Variants in ADAMTS19 observed in about 807,000 individuals in gnomAD.
ADAMTS19 encodes the protein ADAM metallopeptidase with thrombospondin type 1 motif 19.
In ADAMTS19, 93 loss-of-function variants were observed where a neutral mutation model predicts 153.3. The ratio of observed to expected loss-of-function variants is 0.61; its 90% CI spans 0.51 to 0.72. The LOEUF is 0.72. Among genes scored for constraint, ADAMTS19 ranks in the 30% least tolerant of loss-of-function variants. ADAMTS19 has a pLI of 0.00. For missense variants in ADAMTS19, 1,482 were observed against 1,552.1 expected (o/e 0.95, Z 0.76); for synonymous variants, 600 against 556.6 (o/e 1.08, Z -1.10).
intron 15 of ADAMTS19, among the ~76,000 whole-genome samples, chr5:129,660,285 A>G (rs1753765124): frequency 6.6e-6 from 1 of 152,174 alleles, no homozygotes; most frequent in Non-Finnish European, 1.5e-5. Flanking sequence ...TTTAGAAAAA[A>G]TAAATAAATA....
At chr5:129,637,177 A>G (rs1752567968) in intron 10 of ADAMTS19, among the ~76,000 whole-genome samples, 1 of 152,186 alleles carries the variant, frequency 6.6e-6, no homozygotes, top group Non-Finnish European at 1.5e-5. Context: ...ATGCCCTTTA[A>G]TTATACAGAA....
At chr5:129,708,093 A>G (rs546350905) in intron 21 of ADAMTS19, among the ~76,000 whole-genome samples, 1 of 152,260 alleles carries the variant, frequency 6.6e-6, no homozygotes, top group African/African-American at 2.4e-5. Flanking sequence ...GTTTTGTGTA[A>G]ATAGTGGAAA....
chr5:129,461,356 G>A lies in ADAMTS19; in HGVS notation c.346G>A (p.Glu116Lys). 1 of 1,337,766 alleles carries A rather than the reference G, an allele frequency of 7.5e-7. No homozygotes were observed. The highest frequency in any genetic ancestry group is 3.1e-5 in the East Asian group (1 of 32,426). The allele number at this position is 1,337,766 out of a possible 1,614,324, so 82.9% of individuals were successfully genotyped here. The change falls in exon 2 of 23, where the codon GAG becomes AAG. Residue 116 changes from glutamate to lysine, a missense_variant. Glu to Lys is a moderately conservative substitution (Grantham distance 56). Transcript: ENST00000274487. The surrounding 1 kb of genome is among the most constrained non-coding windows in gnomAD (Gnocchi z 4.6). ...ESRLRPPPPSEGEEDEELESQ... is the reference protein window; with the variant it reads ...ESRLRPPPPSKGEEDEELESQ... ...CCGGCTCCGGCCCCCGCCGCCGTCG[G>A]AGGGTGAGGAGGACGAGGAGCTCGA...
intron 18 of ADAMTS19, among the ~76,000 whole-genome samples, chr5:129,686,293 T>G: frequency 6.6e-6 from 1 of 151,908 alleles, no homozygotes; most frequent in East Asian, 1.9e-4. Context: ...ATCATGGAAT[T>G]TAGGTGCAAT....
At chr5:129,601,464 A>C (rs1750645864) in intron 8 of ADAMTS19, among the ~76,000 whole-genome samples, 1 of 152,132 alleles carries the variant, frequency 6.6e-6, no homozygotes, top group Non-Finnish European at 1.5e-5. Context: ...AAACTTATTA[A>C]TATATTAATT....
chr5:129,587,146 T>C (rs892006606), intron 7 of ADAMTS19, among the ~76,000 whole-genome samples: 19 of 152,166 alleles, frequency 1.2e-4, no homozygotes, highest in Non-Finnish European at 2.5e-4. Flanking sequence ...TTACTGATTA[T>C]CAACTACTAA....
At chr5:129,523,054 CA>C (rs55963617) in intron 3 of ADAMTS19, among the ~76,000 whole-genome samples, 26,143 of 105,042 alleles carry the variant, frequency 0.25, 2,727 homozygotes, top group African/African-American at 0.36. Flanking sequence ...GACTCCATCT[CA>C]AAAAAAAAAA....
chr5:129,649,437 G>C (rs1184792120), intron 13 of ADAMTS19, among the ~76,000 whole-genome samples: 1 of 152,206 alleles, frequency 6.6e-6, no homozygotes, highest in Non-Finnish European at 1.5e-5. Flanking sequence ...ATTATGCTGA[G>C]TGAAAAATGC....
intron 15 of ADAMTS19, 96 bp from the exon 16 acceptor site, chr5:129,665,403 T>TAACCAA: frequency 9.6e-7 from 1 of 1,042,274 alleles, no homozygotes; most frequent in Non-Finnish European, 1.4e-6. Flanking sequence ...ATCATAGCAA[T>TAACCAA]AACCAAAACC....
At chr5:129,503,705 G>A (rs988512495) in intron 2 of ADAMTS19, among the ~76,000 whole-genome samples, 9 of 152,064 alleles carry the variant, frequency 5.9e-5, no homozygotes, top group African/African-American at 1.9e-4. Context: ...GTGGGTGCCT[G>A]TGATCCCAAC....
intron 3 of ADAMTS19, among the ~76,000 whole-genome samples, chr5:129,512,671 CAA>C (rs1751479494): frequency 6.6e-6 from 1 of 151,990 alleles, no homozygotes; most frequent in East Asian, 1.9e-4. Flanking sequence ...AGATTGGGGC[CAA>C]CACAGCTGTC....
chr5:129,728,675 GAT>G (rs1383911324), intron 21 of ADAMTS19, among the ~76,000 whole-genome samples: 2 of 152,076 alleles, frequency 1.3e-5, no homozygotes, highest in African/African-American at 4.8e-5. Flanking sequence ...GCTAAAAGTG[GAT>G]GAAATTGCCT....
chr5:129,705,993 G>A (rs1053055622), intron 21 of ADAMTS19, among the ~76,000 whole-genome samples: 1 of 152,118 alleles, frequency 6.6e-6, no homozygotes, highest in Non-Finnish European at 1.5e-5. Flanking sequence ...GTGGGGAGCA[G>A]GAGGTTTTGG....
chr5:129,548,098 T>A (rs1752929048), intron 6 of ADAMTS19, among the ~76,000 whole-genome samples: 1 of 150,508 alleles, frequency 6.6e-6, no homozygotes, highest in Non-Finnish European at 1.5e-5. Flanking sequence ...GCAATACCAT[T>A]CAGGACATAG....
intron 6 of ADAMTS19, among the ~76,000 whole-genome samples, chr5:129,540,237 G>C (rs1015705589): frequency 1.3e-5 from 2 of 151,940 alleles, no homozygotes; most frequent in East Asian, 1.9e-4. Context: ...TTTAGCTCAG[G>C]GGTCAAGTTT....
chr5:129,593,007 C>A (rs77056732), intron 7 of ADAMTS19, among the ~76,000 whole-genome samples: 3,649 of 152,074 alleles, frequency 0.024, 119 homozygotes, highest in African/African-American at 0.079. Context: ...AAACTATTGG[C>A]TTTATCATCG....
chr5:129,513,246 C>G (rs1751496691), intron 3 of ADAMTS19, among the ~76,000 whole-genome samples: 1 of 151,818 alleles, frequency 6.6e-6, no homozygotes, highest in African/African-American at 2.4e-5. Context: ...CTTTGTTCCT[C>G]TAAGTCTGAT....
intron 13 of ADAMTS19, among the ~76,000 whole-genome samples, chr5:129,652,830 C>T (rs1348144372): frequency 6.6e-6 from 1 of 152,012 alleles, no homozygotes; most frequent in African/African-American, 2.4e-5. Flanking sequence ...TTATATATAC[C>T]ACTTTTAAAG....
intron 3 of ADAMTS19, among the ~76,000 whole-genome samples, chr5:129,510,568 G>C (rs1041054760): frequency 1.3e-5 from 2 of 150,938 alleles, no homozygotes; most frequent in African/African-American, 4.9e-5. Context: ...ACAAGCAAAA[G>C]AAAAGCTTCT....
Sources: gnomAD v4.1 joint callset for allele counts (sites outside exome capture counted in the v4.1 genomes callset) on GRCh38, gnomAD v4.1.1 for gene constraint, Gnocchi (gnomAD v3.1) non-coding constraint, MANE v1.5 for transcripts, NCBI Gene and HGNC (gene_info 2026-07-23, HGNC 2026-07-21) for gene names.